ZFPM2: variants seen among roughly 807,000 people sequenced by gnomAD.
ZFPM2 encodes the protein zinc finger protein ZFPM2.
In ZFPM2, 20 loss-of-function variants were observed where a neutral mutation model predicts 98.6. That is an observed-to-expected ratio of 0.20 (90% confidence interval 0.14 to 0.29). The LOEUF (loss-of-function observed/expected upper bound fraction) is 0.29. ZFPM2 is among the 10% of genes least tolerant of loss of function. The pLI is 1.00. For missense variants in ZFPM2, 1,310 were observed against 1,388.6 expected, an observed-to-expected ratio of 0.94 and a Z score of 0.90; for synonymous variants, 518 against 502.7, an observed-to-expected ratio of 1.03 and a Z score of -0.41.
chr8:105,482,459 T>C (rs1259150978), intron 3 of ZFPM2, among the ~76,000 whole-genome samples: 1 of 152,196 alleles, frequency 6.6e-6, no homozygotes, highest in African/African-American at 2.4e-5. Flanking sequence ...TCTAGTTCTA[T>C]TTATTTTTAC....
At chr8:105,479,500 C>T (rs1467986065) in intron 3 of ZFPM2, among the ~76,000 whole-genome samples, 1 of 152,110 alleles carries the variant, frequency 6.6e-6, no homozygotes, top group Non-Finnish European at 1.5e-5. Flanking sequence ...AAAACATTTA[C>T]ATAATGTGGT....
At chr8:105,428,482 G>A (rs1451631633) in intron 2 of ZFPM2, among the ~76,000 whole-genome samples, 2 of 152,130 alleles carry the variant, frequency 1.3e-5, no homozygotes, top group Non-Finnish European at 2.9e-5. Flanking sequence ...TTGTTTTAAA[G>A]ACATTCAATA....
At position 105,643,613 on chromosome 8, in the gene ZFPM2, CCAA is replaced by C. The variant is rs556043497; in HGVS notation, c.532+9266_532+9268del. 2.0e-4 allele frequency among the ~76,000 whole-genome samples: 31 copies of C among 152,186 alleles called. No individual in the cohort carries two copies. In the East Asian group the frequency reaches 5.8e-3, roughly 28 times the overall value. ...TAAAACAAAGGAATTACCACCAATA[CCAA>C]CAACAACAAAAAATCAATGCTGATC... On this transcript the variant is annotated intron_variant, in intron 5 of 7. Coordinates refer to ENST00000407775, the MANE Select transcript of ZFPM2 (RefSeq NM_012082.4).
intron 3 of ZFPM2, among the ~76,000 whole-genome samples, chr8:105,490,684 G>T (rs1813339445): frequency 6.6e-6 from 1 of 151,792 alleles, no homozygotes; most frequent in Admixed American, 6.6e-5. Context: ...TTTGAAGGCG[G>T]GAATACTTTC....
At chr8:105,653,723 CAG>C in intron 5 of ZFPM2, among the ~76,000 whole-genome samples, 1 of 152,124 alleles carries the variant, frequency 6.6e-6, no homozygotes, top group East Asian at 1.9e-4. Context: ...GACTCTCTGG[CAG>C]AGACTTGTGA....
At chr8:105,408,295 GA>G (rs2130021045) in intron 1 of ZFPM2, among the ~76,000 whole-genome samples, 1 of 151,978 alleles carries the variant, frequency 6.6e-6, no homozygotes, top group African/African-American at 2.4e-5. Flanking sequence ...TCTTTTTGAA[GA>G]TATGTTTTAT....
chr8:105,570,997 G>A (rs1469946620), intron 4 of ZFPM2, among the ~76,000 whole-genome samples: 1 of 152,108 alleles, frequency 6.6e-6, no homozygotes, highest in Admixed American at 6.6e-5. Flanking sequence ...GACGATTAGT[G>A]CTATTAATTT....
chr8:105,394,297 C>T (rs974220167), intron 1 of ZFPM2, among the ~76,000 whole-genome samples: 4 of 152,138 alleles, frequency 2.6e-5, no homozygotes, highest in African/African-American at 9.7e-5. Context: ...GAGCTCCCTG[C>T]TGCCTTTGTT....
chr8:105,740,988 A>T (rs572286270), intron 5 of ZFPM2, among the ~76,000 whole-genome samples: 1 of 152,194 alleles, frequency 6.6e-6, no homozygotes, highest in Admixed American at 6.5e-5. Flanking sequence ...TTAAGCAAGA[A>T]TGTCCCAGAT....
intron 5 of ZFPM2, among the ~76,000 whole-genome samples, chr8:105,752,346 A>AAGAAAG (rs1812498043): frequency 6.6e-6 from 1 of 152,172 alleles, no homozygotes; most frequent in Non-Finnish European, 1.5e-5. Flanking sequence ...ACAGTTGTAC[A>AAGAAAG]TCTGCTCAGC....
intron 3 of ZFPM2, among the ~76,000 whole-genome samples, chr8:105,547,359 A>G (rs973830717): frequency 7.9e-5 from 12 of 151,942 alleles, no homozygotes; most frequent in Middle Eastern, 3.2e-3. Context: ...CCTGGCCCAC[A>G]TGGTGAAACC....
chr8:105,399,683 C>T (rs879369938), intron 1 of ZFPM2, among the ~76,000 whole-genome samples: 3 of 149,552 alleles, frequency 2.0e-5, no homozygotes, highest in East Asian at 1.9e-4. Context: ...AATTATTTGC[C>T]GAATACATTT....
At chr8:105,431,589 A>G in intron 2 of ZFPM2, among the ~76,000 whole-genome samples, 1 of 152,104 alleles carries the variant, frequency 6.6e-6, no homozygotes. Flanking sequence ...GGTTTGATCT[A>G]GTGAGGAAGG....
intron 3 of ZFPM2, among the ~76,000 whole-genome samples, chr8:105,471,906 T>C (rs1007704078): frequency 2.0e-5 from 3 of 152,178 alleles, no homozygotes; most frequent in Non-Finnish European, 4.4e-5. Context: ...TGCCAGGGTT[T>C]GACCTTCTCA....
At chr8:105,489,018 C>T (rs1813294854) in intron 3 of ZFPM2, among the ~76,000 whole-genome samples, 1 of 152,210 alleles carries the variant, frequency 6.6e-6, no homozygotes, top group East Asian at 1.9e-4. Context: ...ACCTTAAGAA[C>T]CTTAAGAACT....
intron 5 of ZFPM2, among the ~76,000 whole-genome samples, chr8:105,653,852 A>ATTTTTTTTTTT (rs1563506586): frequency 1.8e-5 from 1 of 56,226 alleles, no homozygotes; most frequent in Non-Finnish European, 3.7e-5. Flanking sequence ...CTTGTGTGCT[A>ATTTTTTTTTTT]TCTTTTTTTT....
intron 3 of ZFPM2, among the ~76,000 whole-genome samples, chr8:105,534,867 G>T (rs1042136444): frequency 1.3e-5 from 2 of 152,118 alleles, no homozygotes; most frequent in African/African-American, 2.4e-5. Context: ...TTTGGCTGTG[G>T]TGCGGAGAAC....
chr8:105,426,546 ACTT>A (rs1411674112), intron 2 of ZFPM2, among the ~76,000 whole-genome samples: 8 of 152,086 alleles, frequency 5.3e-5, no homozygotes, highest in Non-Finnish European at 8.8e-5. Context: ...TGGATTCAGT[ACTT>A]CTTCTTTTTC....
chr8:105,555,634 T>G (rs1814970281), intron 3 of ZFPM2, among the ~76,000 whole-genome samples: 1 of 152,196 alleles, frequency 6.6e-6, no homozygotes, highest in South Asian at 2.1e-4. Context: ...ATGTTTATGT[T>G]TCTGTTGAGG....
Sources: allele counts gnomAD v4.1 joint callset (sites outside exome capture counted in the v4.1 genomes callset), GRCh38; gene constraint gnomAD v4.1.1; transcripts MANE v1.5; gene names NCBI Gene and HGNC (gene_info 2026-07-23, HGNC 2026-07-21).